Variants in FSTL5 observed in about 807,000 individuals in gnomAD.
The protein encoded by FSTL5 is follistatin like 5.
A neutral mutation model predicts 89.1 loss-of-function variants in FSTL5; 62 were observed. The ratio of observed to expected loss-of-function variants is 0.70; its 90% CI spans 0.57 to 0.86. The LOEUF is 0.86. FSTL5 is among the 40% of genes least tolerant of loss of function. The pLI, the probability that FSTL5 is intolerant of heterozygous loss-of-function variation, is 0.00. For missense variants in FSTL5, 1,057 were observed against 1,001.6 expected (o/e 1.06, Z -0.75); for synonymous variants, 383 against 346.2 (o/e 1.11, Z -1.18).
At chr4:162,120,747 A>T (rs1731824252) in intron 1 of FSTL5, among the ~76,000 whole-genome samples, 1 of 152,034 alleles carries the variant, frequency 6.6e-6, no homozygotes, top group Non-Finnish European at 1.5e-5. Flanking sequence ...ATAGTATTTT[A>T]AAAAATACTA....
chr4:161,470,185 A>G (rs1024512237), intron 13 of FSTL5, among the ~76,000 whole-genome samples: 2 of 152,142 alleles, frequency 1.3e-5, no homozygotes, highest in African/African-American at 4.8e-5. Context: ...CAAATCCAAT[A>G]GCATAAATTT....
intron 15 of FSTL5, among the ~76,000 whole-genome samples, chr4:161,421,523 G>A (rs1337284131): frequency 6.6e-6 from 1 of 152,192 alleles, no homozygotes; most frequent in African/African-American, 2.4e-5. Flanking sequence ...AAGGAGGTGT[G>A]CATGGGTTCC....
At chr4:161,783,765 T>A (rs1306952053) in intron 4 of FSTL5, among the ~76,000 whole-genome samples, 1 of 133,202 alleles carries the variant, frequency 7.5e-6, no homozygotes, top group Non-Finnish European at 1.6e-5. Context: ...TCTTTCCTTC[T>A]TTCTCTTTCT....
chr4:161,912,125 GT>G (rs35415392), intron 4 of FSTL5, among the ~76,000 whole-genome samples: 3 of 151,976 alleles, frequency 2.0e-5, no homozygotes, highest in Non-Finnish European at 2.9e-5. Context: ...CAATGAAAAG[GT>G]TTTTTTACCA....
At chr4:161,654,170 G>T (rs1035081367) in intron 7 of FSTL5, among the ~76,000 whole-genome samples, 2 of 152,020 alleles carry the variant, frequency 1.3e-5, no homozygotes, top group African/African-American at 4.8e-5. Flanking sequence ...GGAAACAAAA[G>T]AATTTCTCAG....
intron 8 of FSTL5, among the ~76,000 whole-genome samples, chr4:161,578,965 T>C (rs570461046): frequency 1.3e-5 from 2 of 152,306 alleles, no homozygotes; most frequent in Non-Finnish European, 2.9e-5. Context: ...GACCTGAACT[T>C]CAAATTATTA....
intron 4 of FSTL5, among the ~76,000 whole-genome samples, chr4:161,824,568 G>C (rs1204744280): frequency 6.6e-6 from 1 of 152,142 alleles, no homozygotes; most frequent in Non-Finnish European, 1.5e-5. Context: ...CCATACATGA[G>C]CATGGGATAT....
chr4:161,556,326 A>G (rs989690249), intron 8 of FSTL5, among the ~76,000 whole-genome samples: 1 of 151,582 alleles, frequency 6.6e-6, no homozygotes, highest in East Asian at 1.9e-4. Context: ...ATGATTCTGG[A>G]AGCTTTTGTT....
At chr4:161,958,219 T>TA (rs1578892698) in intron 3 of FSTL5, among the ~76,000 whole-genome samples, 1 of 152,132 alleles carries the variant, frequency 6.6e-6, no homozygotes, top group East Asian at 1.9e-4. Flanking sequence ...ATTAATATAT[T>TA]AAATTCTTTC....
chr4:161,776,949 C>T (rs543792029), intron 4 of FSTL5, among the ~76,000 whole-genome samples: 1 of 151,880 alleles, frequency 6.6e-6, no homozygotes, highest in South Asian at 2.1e-4. Flanking sequence ...TGTTTTCTTA[C>T]CAAACATTAG....
chr4:161,913,814 A>T (rs973659807), intron 4 of FSTL5, among the ~76,000 whole-genome samples: 1 of 152,076 alleles, frequency 6.6e-6, no homozygotes, highest in Non-Finnish European at 1.5e-5. Context: ...AATTTCTCTC[A>T]CTTGGAATGG....
At chr4:161,481,435 A>G (rs1234961145) in intron 12 of FSTL5, among the ~76,000 whole-genome samples, 2 of 151,682 alleles carry the variant, frequency 1.3e-5, no homozygotes, top group African/African-American at 4.8e-5. Context: ...TTTTTTTCCT[A>G]CTTGGTTATA....
At chr4:161,447,914 TTC>T (rs1490710117) in intron 15 of FSTL5, among the ~76,000 whole-genome samples, 2 of 152,132 alleles carry the variant, frequency 1.3e-5, no homozygotes, top group African/African-American at 4.8e-5. Context: ...TATGAATATC[TTC>T]TGTTTTCAGA....
At chr4:162,044,838 C>T (rs1354308920) in intron 2 of FSTL5, among the ~76,000 whole-genome samples, 1 of 152,168 alleles carries the variant, frequency 6.6e-6, no homozygotes, top group Non-Finnish European at 1.5e-5. Flanking sequence ...CAGCTTCCAA[C>T]TTTTCTTCTG....
chr4:161,419,769 A>T (rs1466612084), intron 15 of FSTL5, among the ~76,000 whole-genome samples: 1 of 152,210 alleles, frequency 6.6e-6, no homozygotes, highest in Non-Finnish European at 1.5e-5. Flanking sequence ...AAGGGTGGAA[A>T]TTGGAGTGGC....
At chr4:162,005,815 C>G (rs1736600050) in intron 3 of FSTL5, among the ~76,000 whole-genome samples, 1 of 152,110 alleles carries the variant, frequency 6.6e-6, no homozygotes, top group Admixed American at 6.5e-5. Context: ...AAGGCATAAA[C>G]AGACTCAGGA....
chr4:161,628,340 G>GA (rs886430569), intron 7 of FSTL5, among the ~76,000 whole-genome samples: 1 of 151,934 alleles, frequency 6.6e-6, no homozygotes, highest in African/African-American at 2.4e-5. Context: ...TAAAAAGCAA[G>GA]AAAAAATTGA....
At chr4:162,143,785 TACAC>T (rs70946245) in intron 1 of FSTL5, among the ~76,000 whole-genome samples, 7,903 of 138,584 alleles carry the variant, frequency 0.057, 299 homozygotes, top group East Asian at 0.19. Flanking sequence ...TGACTTTAAA[TACAC>T]ACACACACAC....
At chr4:161,881,028 A>C (rs1732611536) in intron 4 of FSTL5, among the ~76,000 whole-genome samples, 1 of 151,920 alleles carries the variant, frequency 6.6e-6, no homozygotes, top group African/African-American at 2.4e-5. Flanking sequence ...ATAAAGGTAA[A>C]TTTTACTGTA....
Sources: allele counts gnomAD v4.1 joint callset (sites outside exome capture counted in the v4.1 genomes callset), GRCh38; gene constraint gnomAD v4.1.1; transcripts MANE v1.5; gene names NCBI Gene and HGNC (gene_info 2026-07-23, HGNC 2026-07-21).